Variants in BLM observed in about 807,000 individuals in gnomAD.
BLM encodes BLM RecQ like helicase, also known as recQ-like DNA helicase BLM.
In BLM, 95 loss-of-function variants were observed where a neutral mutation model predicts 135.3. That is an observed-to-expected ratio of 0.70 (90% CI 0.59 to 0.83). BLM has a LOEUF of 0.83. Among genes scored for constraint, BLM ranks in the 40% least tolerant of loss-of-function variants. The pLI, the probability that BLM is intolerant of heterozygous loss-of-function variation, is 0.00. For missense variants in BLM, 1,518 were observed against 1,663.9 expected, an observed-to-expected ratio of 0.91 and a Z score of 1.53; for synonymous variants, 520 against 589.2, an observed-to-expected ratio of 0.88 and a Z score of 1.70.
chr15:90,783,049 C>A, intron 13 of BLM, 121 bp downstream of exon 13: 1 of 752,842 alleles, frequency 1.3e-6, no homozygotes, highest in South Asian at 1.6e-5. Flanking sequence ...CTAACTTGCT[C>A]TTTATAGAGC....
At chr15:90,747,237 CAAAAAAAAAAAAAAAA>C (rs59331923) in intron 1 of BLM, among the ~76,000 whole-genome samples, 136 bp from the exon 2 acceptor site, 1 of 39,254 alleles carries the variant, frequency 2.5e-5, no homozygotes, top group African/African-American at 9.5e-5. Context: ...GTCTATTGAC[CAAAAAAAAAAAAAAAA>C]AAAAAAAAAA....
chr15:90,783,591 TA>T (rs1896669044), intron 13 of BLM, among the ~76,000 whole-genome samples: 1 of 152,130 alleles, frequency 6.6e-6, no homozygotes, highest in South Asian at 2.1e-4. Context: ...ATAAATATAA[TA>T]TATGCTCATT....
intron 15 of BLM, among the ~76,000 whole-genome samples, chr15:90,793,048 T>C (rs1896943827): frequency 1.3e-5 from 2 of 151,186 alleles, no homozygotes; most frequent in Non-Finnish European, 2.9e-5. Context: ...AACAATTTAA[T>C]AGATATTTAA....
At chr15:90,810,391 A>G (rs1167592412) in intron 20 of BLM, among the ~76,000 whole-genome samples, 1 of 152,136 alleles carries the variant, frequency 6.6e-6, no homozygotes, top group Non-Finnish European at 1.5e-5. Context: ...TAATTAGTCC[A>G]TTAAAAGCCT....
At chr15:90,763,826 A>G (rs141889070) in intron 8 of BLM, among the ~76,000 whole-genome samples, 1 of 152,364 alleles carries the variant, frequency 6.6e-6, no homozygotes, top group East Asian at 1.9e-4. Flanking sequence ...CATTCACATG[A>G]GAATATTAAA....
chr15:90,813,520 A>G (rs1408221758), intron 21 of BLM, among the ~76,000 whole-genome samples: 2 of 152,062 alleles, frequency 1.3e-5, no homozygotes, highest in Non-Finnish European at 2.9e-5. Context: ...CAGCCTCCCA[A>G]GTAGCTGGGA....
intron 12 of BLM, among the ~76,000 whole-genome samples, chr15:90,774,801 T>A (rs1596244109): frequency 9.0e-6 from 1 of 110,722 alleles, no homozygotes; most frequent in African/African-American, 4.3e-5. Context: ...GCCACTACAC[T>A]CCAGCCAAAA....
intron 15 of BLM, among the ~76,000 whole-genome samples, chr15:90,792,064 T>C (rs1049617678): frequency 2.6e-5 from 4 of 151,860 alleles, no homozygotes; most frequent in African/African-American, 9.7e-5. Flanking sequence ...CCTAAATATA[T>C]GTATTTCTTC....
At chr15:90,800,123 A>T (rs1359597915) in intron 17 of BLM, among the ~76,000 whole-genome samples, 1 of 152,182 alleles carries the variant, frequency 6.6e-6, no homozygotes, top group East Asian at 1.9e-4. Flanking sequence ...GAGATTTCAG[A>T]TGCCTTCTGC....
At chr15:90,770,392 G>T (rs1158128845) in intron 12 of BLM, among the ~76,000 whole-genome samples, 1 of 152,014 alleles carries the variant, frequency 6.6e-6, no homozygotes, top group East Asian at 1.9e-4. Flanking sequence ...TAGCCAGGAG[G>T]GTCTCGATCT....
intron 12 of BLM, among the ~76,000 whole-genome samples, chr15:90,777,183 A>C (rs1270103624): frequency 6.6e-6 from 1 of 150,972 alleles, no homozygotes; most frequent in Non-Finnish European, 1.5e-5. Flanking sequence ...GGTGGGGGGA[A>C]TGGAGTTTCA....
At chr15:90,735,335 A>G (rs1895186583) in intron 1 of BLM, among the ~76,000 whole-genome samples, 1 of 149,418 alleles carries the variant, frequency 6.7e-6, no homozygotes, top group South Asian at 2.1e-4. Context: ...ATAAATATCA[A>G]CAGAGTTCTG....
chr15:90,777,151 T>C (rs1384381649), intron 12 of BLM, among the ~76,000 whole-genome samples: 1 of 149,056 alleles, frequency 6.7e-6, no homozygotes. Flanking sequence ...CTGGCTTCAT[T>C]TTCCTTTTCT....
At chr15:90,734,352 ACCT>A in intron 1 of BLM, among the ~76,000 whole-genome samples, 1 of 151,274 alleles carries the variant, frequency 6.6e-6, no homozygotes, top group South Asian at 2.1e-4. Flanking sequence ...CAGTAGCATG[ACCT>A]CAGCTCACTG....
chr15:90,792,849 T>C (rs1057502459), intron 15 of BLM, among the ~76,000 whole-genome samples: 1 of 152,058 alleles, frequency 6.6e-6, no homozygotes. Context: ...CCAAAGTCCA[T>C]GTTCCTTGCA....
Position 90,815,138 on chromosome 15 carries a change from G to A in BLM, c.4113G>A (p.Thr1371=), listed in dbSNP as rs61754135. ...SATCRKISSK[T]KSSSIIGSSS... ...CATGTAGAAAGATATCTTCCAAAAC[G>A]AAATCCTCCAGCATCATTGGATCCA... Residue 1371 remains threonine (T), a synonymous_variant, in exon 22 of 22, where the codon ACG becomes ACA. Transcript: ENST00000355112. The surrounding 1 kb of genome is among the most constrained non-coding windows in gnomAD (Gnocchi z 4.6). 7.6e-5 allele frequency: 122 copies of A among 1,613,930 alleles called. No homozygotes were observed. The highest frequency in any genetic ancestry group is 1.6e-4 in the Middle Eastern group (1 of 6,084).
rs746113158 is a variant in BLM, at chr15:90,811,186, C to G, written c.3875-19C>G. On this transcript the variant is annotated intron_variant, in intron 20 of 21. Coordinates refer to ENST00000355112, the MANE Select transcript of BLM (RefSeq NM_000057.4). ...CCAGTGCGACATCACCTGTAAACAT[C>G]TGCATTTTCCATTTGTAGCTGAAGA... The G allele has an allele frequency of 2.5e-6, 4 of 1,612,110 alleles. No homozygotes were observed. The highest frequency in any genetic ancestry group is 3.4e-6 in the Non-Finnish European group (4 of 1,179,668).
At chr15:90,779,140 C>T (rs1896557027) in intron 12 of BLM, among the ~76,000 whole-genome samples, 1 of 152,144 alleles carries the variant, frequency 6.6e-6, no homozygotes, top group African/African-American at 2.4e-5. Flanking sequence ...CCAACTCAGC[C>T]TCCCAAAGTG....
chr15:90,743,676 A>T (rs1179555746), intron 1 of BLM, among the ~76,000 whole-genome samples: 2 of 152,198 alleles, frequency 1.3e-5, no homozygotes, highest in East Asian at 3.8e-4. Flanking sequence ...AGTAGCTGAG[A>T]CTACAGGCAT....
Sources: gnomAD v4.1 joint callset for allele counts (sites outside exome capture counted in the v4.1 genomes callset) on GRCh38, gnomAD v4.1.1 for gene constraint, Gnocchi (gnomAD v3.1) non-coding constraint, MANE v1.5 for transcripts, NCBI Gene and HGNC (gene_info 2026-07-23, HGNC 2026-07-21) for gene names.